The following KIF26B variants were observed in gnomAD, a reference collection of about 807,000 sequenced individuals.
KIF26B encodes the protein kinesin-like protein KIF26B.
A neutral mutation model predicts 151.2 loss-of-function variants in KIF26B; 63 were observed. The ratio of observed to expected loss-of-function variants is 0.42; its 90% confidence interval spans 0.34 to 0.51. The LOEUF (loss-of-function observed/expected upper bound fraction) is 0.51. Among genes scored for constraint, KIF26B ranks in the 20% least tolerant of loss-of-function variants. KIF26B has a pLI of 0.07. For missense variants in KIF26B, 2,813 were observed against 2,913.6 expected, an observed-to-expected ratio of 0.97 and a Z score of 0.79; for synonymous variants, 1,357 against 1,262.1, an observed-to-expected ratio of 1.08 and a Z score of -1.59.
chr1:245,425,990 A>T (rs557635168), intron 4 of KIF26B, among the ~76,000 whole-genome samples: 15 of 152,318 alleles, frequency 9.8e-5, no homozygotes, highest in African/African-American at 3.6e-4. Context: ...GTAAAATTAT[A>T]TTAAGGGCAT....
chr1:245,476,978 A>G (rs1471978120), intron 4 of KIF26B, among the ~76,000 whole-genome samples: 2 of 151,828 alleles, frequency 1.3e-5, no homozygotes, highest in Non-Finnish European at 2.9e-5. Flanking sequence ...GATGGAAAGA[A>G]TTGTTACACC....
chr1:245,673,406 C>T (rs1240075517), intron 10 of KIF26B, among the ~76,000 whole-genome samples: 3 of 148,624 alleles, frequency 2.0e-5, no homozygotes, highest in Middle Eastern at 3.2e-3. Flanking sequence ...GCCCAGTCCC[C>T]GCTGCGCGCT....
intron 2 of KIF26B, among the ~76,000 whole-genome samples, chr1:245,207,042 G>C (rs1669418866): frequency 6.6e-6 from 1 of 152,158 alleles, no homozygotes; most frequent in Admixed American, 6.5e-5. Context: ...AGGGTCCTCG[G>C]AGAGAGAAGC....
intron 4 of KIF26B, among the ~76,000 whole-genome samples, chr1:245,436,065 G>C (rs963933303): frequency 6.6e-6 from 1 of 151,732 alleles, no homozygotes; most frequent in African/African-American, 2.4e-5. Flanking sequence ...GAATCCGAGC[G>C]ACTTGGGAGG....
intron 2 of KIF26B, among the ~76,000 whole-genome samples, chr1:245,314,342 C>A (rs1671722671): frequency 6.6e-6 from 1 of 152,106 alleles, no homozygotes; most frequent in Non-Finnish European, 1.5e-5. Context: ...ATCCCAGCTA[C>A]TCGGGAGGCC....
At chr1:245,177,467 C>A in intron 2 of KIF26B, among the ~76,000 whole-genome samples, 1 of 152,128 alleles carries the variant, frequency 6.6e-6, no homozygotes, top group East Asian at 1.9e-4. Flanking sequence ...GGGGCATTTA[C>A]GGTGGCAGTG....
intron 2 of KIF26B, among the ~76,000 whole-genome samples, chr1:245,258,754 G>A (rs1048633835): frequency 2.6e-5 from 4 of 151,962 alleles, no homozygotes; most frequent in African/African-American, 9.7e-5. Flanking sequence ...ATGGTGGGGG[G>A]GCATGAAATC....
In KIF26B at chr1:245,170,280, C is replaced by A. The variant is rs145936747; in HGVS notation, c.465+13597C>A. On this transcript the variant is annotated intron_variant, in intron 2 of 14. Coordinates refer to ENST00000407071, the MANE Select transcript of KIF26B (RefSeq NM_018012.4). This position sits in a 1 kb window ranked among gnomAD's most constrained non-coding sequence, Gnocchi z 4.4. ...CGCCTTCACCTCGGTGGAGCTTAGT[C>A]TAGGCATTTATGGGTCGGCTGGTTT... Among the ~76,000 whole-genome samples, 241 of 152,244 alleles carry A rather than the reference C, an allele frequency of 1.6e-3. 1 individual carries two copies. Among genetic ancestry groups the A allele is most frequent in the African/African-American group, 5.7e-3 (237 of 41,532 alleles).
At chr1:245,400,662 C>T (rs1289394412) in intron 3 of KIF26B, among the ~76,000 whole-genome samples, 2 of 152,022 alleles carry the variant, frequency 1.3e-5, no homozygotes, top group African/African-American at 4.8e-5. Context: ...AGACTTGGTA[C>T]ATTAAAAAGA....
chr1:245,626,438 G>T (rs2043725624), intron 9 of KIF26B, among the ~76,000 whole-genome samples: 1 of 149,636 alleles, frequency 6.7e-6, no homozygotes. Flanking sequence ...TAGCCATTCT[G>T]ACTGGGGTGA....
At chr1:245,156,797 C>T in intron 2 of KIF26B, 114 bp downstream of exon 2, 1 of 596,478 alleles carries the variant, frequency 1.7e-6, no homozygotes, top group Non-Finnish European at 2.5e-6. Context: ...CGCGAGAGCC[C>T]CCGGCGGCGC....
intron 2 of KIF26B, among the ~76,000 whole-genome samples, chr1:245,255,787 A>G (rs550299083): frequency 4.5e-4 from 68 of 152,180 alleles, no homozygotes; most frequent in African/African-American, 1.6e-3. Flanking sequence ...ATCTGGGGAC[A>G]TGGAAATTGT....
In KIF26B at chr1:245,638,575, G is replaced by A. The variant is rs913302809; in HGVS notation, c.2099-7546G>A. ...CATCCTTTTCTTATTCCAGATCTTAGTGAAAGGTTTTCTATTTTAACCTAT... is the reference window on the plus strand; with the variant it reads ...CATCCTTTTCTTATTCCAGATCTTAATGAAAGGTTTTCTATTTTAACCTAT... On this transcript the variant is annotated intron_variant, in intron 9 of 14. Transcript: ENST00000407071. 5.3e-5 allele frequency among the ~76,000 whole-genome samples: 8 copies of A among 151,726 alleles called. No homozygotes were observed. The East Asian group carries it at 1.5e-3, about 29-fold the overall frequency.
At chr1:245,361,759 AAC>A (rs1672824079) in intron 2 of KIF26B, among the ~76,000 whole-genome samples, 1 of 152,094 alleles carries the variant, frequency 6.6e-6, no homozygotes, top group Non-Finnish European at 1.5e-5. Flanking sequence ...CCCTAATTCT[AAC>A]ACACTCTGTG....
chr1:245,684,385 A>G lies in KIF26B; in HGVS notation c.2411A>G (p.Lys804Arg). 6.2e-7 allele frequency: 1 copy of G among 1,609,078 alleles called. No homozygotes were observed. Among genetic ancestry groups the G allele is most frequent in the South Asian group, 1.1e-5 (1 of 90,598 alleles). ...IASRVLRMKKKKTKYTSSSSG... is the reference protein window; with the variant it reads ...IASRVLRMKKRKTKYTSSSSG... ...TCGAGAGTCTTGAGGATGAAGAAAAAGAAGACGAAGGTAAGGAGCTCGCGG... is the reference window on the plus strand; with the variant it reads ...TCGAGAGTCTTGAGGATGAAGAAAAGGAAGACGAAGGTAAGGAGCTCGCGG... The change falls in exon 11 of 15, where the codon AAG becomes AGG. Residue 804 changes from lysine to arginine, a missense_variant. Lys to Arg is a conservative substitution (Grantham distance 26). Coordinates refer to ENST00000407071, the MANE Select transcript of KIF26B (RefSeq NM_018012.4).
intron 2 of KIF26B, among the ~76,000 whole-genome samples, chr1:245,165,278 C>G (rs1316031992): frequency 6.6e-6 from 1 of 152,106 alleles, no homozygotes; most frequent in African/African-American, 2.4e-5. Flanking sequence ...TGCTGAGATA[C>G]GGGGCCAGAG....
intron 5 of KIF26B, among the ~76,000 whole-genome samples, chr1:245,590,345 C>G (rs1169638263): frequency 6.6e-6 from 1 of 152,216 alleles, no homozygotes; most frequent in Non-Finnish European, 1.5e-5. Context: ...GAAATGGGCC[C>G]TTTATTCACA....
chr1:245,169,328 G>GGTGTGTGTGTGT (rs58501579), intron 2 of KIF26B, among the ~76,000 whole-genome samples: 2,897 of 134,082 alleles, frequency 0.022, 127 homozygotes, highest in Admixed American at 0.11. Flanking sequence ...AACGGGCCAT[G>GGTGTGTGTGTGT]GTGTGTGTGT....
At chr1:245,192,151 A>G (rs764591339) in intron 2 of KIF26B, among the ~76,000 whole-genome samples, 1 of 152,228 alleles carries the variant, frequency 6.6e-6, no homozygotes, top group Non-Finnish European at 1.5e-5. Context: ...CATGTTCAGC[A>G]TTAGGGAAAT....
Sources: gnomAD v4.1 joint callset for allele counts (sites outside exome capture counted in the v4.1 genomes callset) on GRCh38, gnomAD v4.1.1 for gene constraint, Gnocchi (gnomAD v3.1) non-coding constraint, MANE v1.5 for transcripts, NCBI Gene and HGNC (gene_info 2026-07-23, HGNC 2026-07-21) for gene names.